Variants in ACTR3B observed in about 807,000 individuals in gnomAD.
ACTR3B encodes actin related protein 3B.
A neutral mutation model predicts 59.0 loss-of-function variants in ACTR3B; 8 were observed. That is an observed-to-expected ratio of 0.14 (90% CI 0.08 to 0.24). The LOEUF (loss-of-function observed/expected upper bound fraction) is 0.24. Among genes scored for constraint, ACTR3B ranks in the 10% least tolerant of loss-of-function variants. The pLI, the probability that ACTR3B is intolerant of heterozygous loss-of-function variation, is 1.00. For missense variants in ACTR3B, 245 were observed against 552.3 expected (o/e 0.44, Z 5.58); for synonymous variants, 148 against 197.9 (o/e 0.75, Z 2.12).
At chr7:152,826,064 G>T (rs532754672) in intron 9 of ACTR3B, among the ~76,000 whole-genome samples, 2,155 of 152,148 alleles carry the variant, frequency 0.014, 32 homozygotes, top group African/African-American at 0.049. Flanking sequence ...TGACTCACTC[G>T]CCTTACTCAG....
At chr7:152,770,800 G>T (rs1315445655) in intron 1 of ACTR3B, among the ~76,000 whole-genome samples, 1 of 134,474 alleles carries the variant, frequency 7.4e-6, no homozygotes, top group African/African-American at 2.9e-5. Context: ...TTGTTGTTGA[G>T]CAAGCAGGTC....
Position 152,816,520 on chromosome 7 carries a change from G to A in ACTR3B, c.472G>A (p.Val158Met), listed in dbSNP as rs1347168263. ...ALAASWTSRQ[V>M]GERTLTGIVI... ...GGCGGCATCTTGGACATCTCGACAA[G>A]TGGGTGAACGTACGTTAACGGGGAT... The change falls in exon 6 of 12, where the codon GTG becomes ATG. Residue 158 changes from valine (V) to methionine (M), a missense_variant. By Grantham distance (21) the Val-to-Met change is conservative (BLOSUM62 1). Around this residue, in one of 7 missense-constraint regions of ACTR3B, gnomAD observed 40 missense variants for 70.4 expected, o/e 0.57. Transcript: ENST00000256001. The A allele has an allele frequency of 1.2e-6, 2 of 1,606,852 alleles. No homozygotes were observed. Among genetic ancestry groups the A allele is most frequent in the Non-Finnish European group, 1.7e-6 (2 of 1,176,320 alleles).
At chr7:152,798,192 A>G (rs1476320472) in intron 2 of ACTR3B, among the ~76,000 whole-genome samples, 4 of 151,690 alleles carry the variant, frequency 2.6e-5, no homozygotes, top group African/African-American at 7.3e-5. Flanking sequence ...ATCATCACCA[A>G]CACTTACTAT....
chr7:152,803,691 A>G (rs2098243750), intron 4 of ACTR3B, among the ~76,000 whole-genome samples: 2 of 152,204 alleles, frequency 1.3e-5, no homozygotes, highest in South Asian at 2.1e-4. Flanking sequence ...AGATAGTAAA[A>G]TGTAACCACT....
At chr7:152,819,999 T>A (rs1474428232) in intron 6 of ACTR3B, among the ~76,000 whole-genome samples, 1 of 152,262 alleles carries the variant, frequency 6.6e-6, no homozygotes, top group Non-Finnish European at 1.5e-5. Context: ...GCATTTCTTT[T>A]TGGAAATGAA....
chr7:152,782,370 CA>C (rs1337927212), intron 1 of ACTR3B, among the ~76,000 whole-genome samples: 1 of 151,998 alleles, frequency 6.6e-6, no homozygotes. Flanking sequence ...TACCGCGTTT[CA>C]ACTTTATTTC....
intron 9 of ACTR3B, among the ~76,000 whole-genome samples, chr7:152,847,744 C>T (rs561421643): frequency 6.6e-6 from 1 of 152,258 alleles, no homozygotes; most frequent in Middle Eastern, 3.4e-3. Flanking sequence ...CTGAGCTGCT[C>T]AGCAGACACA....
rs571110625 is a variant in ACTR3B at position 152,815,678 on chromosome 7, C to T, written c.433-803C>T. Among the ~76,000 whole-genome samples the T allele has an allele frequency of 4.6e-5, 7 of 152,220 alleles. No individual in the cohort carries two copies. In the East Asian group the frequency reaches 7.8e-4, roughly 17 times the overall value. ...AGCCCCACCTCAAGCCTCCCCGCCC[C>T]GACGAAGAAAATGGTACCAGATATT... is the stretch of plus-strand genomic sequence containing the variant. On this transcript the variant is annotated intron_variant, in intron 5 of 11. Transcript: ENST00000256001.
intron 9 of ACTR3B, among the ~76,000 whole-genome samples, 161 bp from the exon 10 acceptor site, chr7:152,851,965 A>G (rs983579331): frequency 2.6e-5 from 4 of 151,978 alleles, no homozygotes; most frequent in African/African-American, 4.8e-5. Context: ...AAAAATCTAC[A>G]CTTTTCCAAT....
chr7:152,766,751 T>C (rs2098111661), intron 1 of ACTR3B, among the ~76,000 whole-genome samples: 1 of 152,250 alleles, frequency 6.6e-6, no homozygotes, highest in African/African-American at 2.4e-5. Flanking sequence ...AAGGTTTTTT[T>C]CATTCCCAGA....
chr7:152,761,121 C>A (rs1162593010), intron 1 of ACTR3B, among the ~76,000 whole-genome samples: 1 of 152,134 alleles, frequency 6.6e-6, no homozygotes, highest in Non-Finnish European at 1.5e-5. Flanking sequence ...TGGAAAAATC[C>A]TCTTTGCTTG....
intron 9 of ACTR3B, among the ~76,000 whole-genome samples, chr7:152,828,775 C>T (rs184770524): frequency 2.0e-5 from 3 of 152,034 alleles, no homozygotes; most frequent in East Asian, 3.9e-4. Flanking sequence ...TTCCTGACCT[C>T]GGCTACCTGT....
At chr7:152,765,682 A>G (rs1413151640) in intron 1 of ACTR3B, among the ~76,000 whole-genome samples, 1 of 152,082 alleles carries the variant, frequency 6.6e-6, no homozygotes, top group Non-Finnish European at 1.5e-5. Flanking sequence ...GAGATGTATG[A>G]AGGCTTTTGG....
chr7:152,825,020 C>A lies in ACTR3B; in HGVS notation c.859-10C>A. 6.2e-7 allele frequency: 1 copy of A among 1,611,598 alleles called. No individual in the cohort carries two copies. The highest frequency in any genetic ancestry group is 8.5e-7 in the Non-Finnish European group (1 of 1,178,944). On this transcript the variant is annotated splice_polypyrimidine_tract_variant and intron_variant, in intron 8 of 11. Coordinates refer to ENST00000256001, the MANE Select transcript of ACTR3B (RefSeq NM_020445.6). ...GTGTAATGTTTCTTTTATATTGATA[C>A]ACAATTCAGTTTGCCAACCCAGACT...
chr7:152,778,508 A>G (rs1240726622), intron 1 of ACTR3B, among the ~76,000 whole-genome samples: 1 of 152,048 alleles, frequency 6.6e-6, no homozygotes, highest in East Asian at 1.9e-4. Flanking sequence ...AAGTGCTGGG[A>G]TTACAGGTGT....
At chr7:152,835,196 C>T (rs1456313128) in intron 9 of ACTR3B, among the ~76,000 whole-genome samples, 2 of 152,322 alleles carry the variant, frequency 1.3e-5, no homozygotes, top group East Asian at 3.9e-4. Context: ...TGAGCCGCTT[C>T]CTAGCATCGT....
chr7:152,819,484 G>A (rs980999020), intron 6 of ACTR3B, among the ~76,000 whole-genome samples: 2 of 152,254 alleles, frequency 1.3e-5, no homozygotes, highest in African/African-American at 2.4e-5. Flanking sequence ...AGCTGGATGT[G>A]TGTCCAAGCC....
intron 1 of ACTR3B, among the ~76,000 whole-genome samples, chr7:152,773,615 T>C (rs1352747319): frequency 6.6e-6 from 1 of 151,820 alleles, no homozygotes; most frequent in East Asian, 1.9e-4. Flanking sequence ...GGTTCAAAAA[T>C]AAGCCAAGCA....
chr7:152,777,879 G>A (rs2098140247), intron 1 of ACTR3B, among the ~76,000 whole-genome samples: 1 of 151,964 alleles, frequency 6.6e-6, no homozygotes, highest in Non-Finnish European at 1.5e-5. Context: ...AAACATGGGA[G>A]GTGGAGGTTG....
Sources: allele counts gnomAD v4.1 joint callset (sites outside exome capture counted in the v4.1 genomes callset), GRCh38; gene constraint gnomAD v4.1.1; regional missense constraint gnomAD v4.1.1; transcripts MANE v1.5; gene names NCBI Gene and HGNC (gene_info 2026-07-23, HGNC 2026-07-21).